Variants in AFF2 observed in about 807,000 individuals in gnomAD.
AFF2 encodes the protein ALF transcription elongation factor 2.
A neutral mutation model predicts 76.9 loss-of-function variants in AFF2; 14 were observed. The ratio of observed to expected loss-of-function variants is 0.18; its 90% CI spans 0.12 to 0.28. The LOEUF (loss-of-function observed/expected upper bound fraction) is 0.28. AFF2 is among the 10% of genes least tolerant of loss of function. The pLI, the probability that AFF2 is intolerant of heterozygous loss-of-function variation, is 1.00. For synonymous variants in AFF2, 398 were observed against 366.7 expected (o/e 1.09, Z -0.98); for missense variants, 868 against 1,001.1 (o/e 0.87, Z 1.79).
chrX:148,982,269 C>A (rs1557290966), intron 19 of AFF2, among the ~76,000 whole-genome samples: 1 of 112,364 alleles, frequency 8.9e-6, no homozygotes, highest in African/African-American at 3.2e-5. Flanking sequence ...GGCCACAGAG[C>A]TTTTGACTGA....
At chrX:148,901,666 T>C (rs782713051) in intron 8 of AFF2, among the ~76,000 whole-genome samples, 1 of 112,476 alleles carries the variant, frequency 8.9e-6, no homozygotes, top group Non-Finnish European at 1.9e-5. Flanking sequence ...TTTGTGTATC[T>C]TGTAGAATAA....
Position 148,837,740 on chromosome X carries a change from T to A in AFF2, c.1173+7T>A, listed in dbSNP as rs1202104982. On this transcript the variant is annotated splice_region_variant and intron_variant, in intron 5 of 20. Coordinates refer to ENST00000370460, the MANE Select transcript of AFF2 (RefSeq NM_002025.4). ...CTTTTCCATCCCAGGACAGGTCAGTTCTCTTCCTTCCTGCATTTTTGTTTG... is the reference window on the plus strand; with the variant it reads ...CTTTTCCATCCCAGGACAGGTCAGTACTCTTCCTTCCTGCATTTTTGTTTG... 2.7e-6 allele frequency: 3 copies of A among 1,126,792 alleles called. No individual in the cohort carries two copies. The East Asian group carries it at 9.0e-5, about 34-fold the overall frequency. The allele number at this position is 1,126,792 out of a possible 1,213,427, so 92.9% of individuals were successfully genotyped here. A position where few individuals can be genotyped will look rare whatever the true frequency, so the allele number is the denominator to read the frequency against.
chrX:148,510,042 G>A (rs1406889333), intron 1 of AFF2, among the ~76,000 whole-genome samples: 1 of 111,448 alleles, frequency 9.0e-6, no homozygotes, highest in Non-Finnish European at 1.9e-5. Flanking sequence ...GCTGGATCCT[G>A]CTTTCTCCCT....
chrX:148,746,273 T>C (rs2055420045), intron 3 of AFF2, among the ~76,000 whole-genome samples: 1 of 111,999 alleles, frequency 8.9e-6, no homozygotes, highest in African/African-American at 3.2e-5. Flanking sequence ...TCCATTTTGC[T>C]CCTTTGGATA....
intron 4 of AFF2, among the ~76,000 whole-genome samples, chrX:148,819,455 A>G (rs1463506560): frequency 9.0e-6 from 1 of 111,499 alleles, no homozygotes; most frequent in African/African-American, 3.3e-5. Context: ...CCATTTGTAT[A>G]TCTTTTTTGA....
At chrX:148,846,865 C>T (rs1265318927) in intron 7 of AFF2, among the ~76,000 whole-genome samples, 1 of 112,004 alleles carries the variant, frequency 8.9e-6, no homozygotes, top group Non-Finnish European at 1.9e-5. Context: ...TGAATGGACT[C>T]ACCAGACATT....
At chrX:148,678,135 A>G (rs1336899519) in intron 3 of AFF2, among the ~76,000 whole-genome samples, 1 of 111,857 alleles carries the variant, frequency 8.9e-6, no homozygotes, top group Non-Finnish European at 1.9e-5. Flanking sequence ...ACTCCCATAT[A>G]CTTTTGTATT....
intron 16 of AFF2, among the ~76,000 whole-genome samples, chrX:148,977,226 T>G (rs2072336084): frequency 8.9e-6 from 1 of 111,862 alleles, no homozygotes; most frequent in African/African-American, 3.3e-5. Context: ...TGGAATGTAC[T>G]TGGCTAGAAG....
rs182639481 is a variant in AFF2, at chrX:148,705,929, A to G, written c.1041+43161A>G. Among the ~76,000 whole-genome samples, 319 of 111,776 alleles carry G rather than the reference A, an allele frequency of 2.9e-3. 2 individuals carry two copies. The highest frequency in any genetic ancestry group is 4.7e-3 in the Non-Finnish European group (252 of 53,086). ...TCTGACTGTGCAATCCTGGGGCTCTATACATTCACAGAATTAGGAGATCCT... is the reference window on the plus strand; with the variant it reads ...TCTGACTGTGCAATCCTGGGGCTCTGTACATTCACAGAATTAGGAGATCCT... On this transcript the variant is annotated intron_variant, in intron 3 of 20. Coordinates refer to ENST00000370460, the MANE Select transcript of AFF2 (RefSeq NM_002025.4).
intron 9 of AFF2, among the ~76,000 whole-genome samples, chrX:148,941,060 T>A (rs782511703): frequency 8.9e-6 from 1 of 112,216 alleles, no homozygotes; most frequent in South Asian, 3.7e-4. Flanking sequence ...AGATTTAAGA[T>A]GTCAGCTTTA....
chrX:148,536,363 G>T (rs1489525107), intron 1 of AFF2, among the ~76,000 whole-genome samples: 1 of 111,425 alleles, frequency 9.0e-6, no homozygotes, highest in African/African-American at 3.3e-5. Flanking sequence ...GGAGGGCTGG[G>T]GGTGCCTGGT....
At chrX:148,563,434 T>C (rs1403090526) in intron 1 of AFF2, among the ~76,000 whole-genome samples, 2 of 111,307 alleles carry the variant, frequency 1.8e-5, no homozygotes, top group African/African-American at 6.6e-5. Flanking sequence ...ACCAAGGCAG[T>C]GGCCATGGAA....
At chrX:148,521,268 C>T (rs917173795) in intron 1 of AFF2, among the ~76,000 whole-genome samples, 7 of 110,119 alleles carry the variant, frequency 6.4e-5, no homozygotes, top group Non-Finnish European at 1.1e-4. Flanking sequence ...ATTACAAACC[C>T]AGGAAAGCTC....
intron 20 of AFF2, among the ~76,000 whole-genome samples, chrX:148,989,464 G>A (rs1182280806): frequency 8.9e-6 from 1 of 112,059 alleles, no homozygotes; most frequent in Non-Finnish European, 1.9e-5. Context: ...AAACAACTCC[G>A]TCACTCTACC....
chrX:148,809,627 G>A (rs2070179057), intron 3 of AFF2, among the ~76,000 whole-genome samples: 1 of 112,087 alleles, frequency 8.9e-6, no homozygotes, highest in Non-Finnish European at 1.9e-5. Flanking sequence ...AGGGGATGGG[G>A]GATGGGTCAG....
At chrX:148,959,334 C>T (rs187206431) in intron 12 of AFF2, among the ~76,000 whole-genome samples, 2 of 112,485 alleles carry the variant, frequency 1.8e-5, no homozygotes, top group African/African-American at 3.2e-5. Flanking sequence ...GCCATAAATT[C>T]ATTCAACATT....
intron 9 of AFF2, among the ~76,000 whole-genome samples, chrX:148,917,484 T>C: frequency 8.9e-6 from 1 of 112,834 alleles, no homozygotes. Flanking sequence ...ATCTGCAGGA[T>C]TGGACACACA....
chrX:148,883,619 T>A (rs2071122905), intron 7 of AFF2, among the ~76,000 whole-genome samples: 1 of 111,649 alleles, frequency 9.0e-6, no homozygotes. Context: ...GTTATTGCTG[T>A]CAATTTTATT....
At chrX:148,688,235 C>A (rs2054617847) in intron 3 of AFF2, among the ~76,000 whole-genome samples, 1 of 111,509 alleles carries the variant, frequency 9.0e-6, no homozygotes, top group African/African-American at 3.3e-5. Flanking sequence ...CCAGACTGAT[C>A]TCTTAGTGCC....
Sources: allele counts gnomAD v4.1 joint callset (sites outside exome capture counted in the v4.1 genomes callset), GRCh38; gene constraint gnomAD v4.1.1; transcripts MANE v1.5; gene names NCBI Gene and HGNC (gene_info 2026-07-23, HGNC 2026-07-21).